RAB6A: variants seen among roughly 807,000 people sequenced by gnomAD.
RAB6A encodes the protein RAB6A, member RAS oncogene family.
RAB6A carries 8 observed loss-of-function variants against 32.3 expected under a neutral mutation model. The observed-to-expected ratio is 0.25, with a 90% CI of 0.15 to 0.45. RAB6A has a LOEUF of 0.45. RAB6A is among the 20% of genes least tolerant of loss of function. RAB6A has a pLI of 1.00. For synonymous variants in RAB6A, 73 were observed against 82.1 expected (o/e 0.89, Z 0.60); for missense variants, 104 against 249.4 (o/e 0.42, Z 3.93).
chr11:73,702,108 A>G (rs1235728089), intron 6 of RAB6A, among the ~76,000 whole-genome samples: 1 of 152,246 alleles, frequency 6.6e-6, no homozygotes, highest in Non-Finnish European at 1.5e-5. Flanking sequence ...ATAGGTTTCA[A>G]TATCCCCTTC....
intron 6 of RAB6A, among the ~76,000 whole-genome samples, chr11:73,680,248 T>C (rs931436802): frequency 6.6e-6 from 1 of 152,158 alleles, no homozygotes; most frequent in Non-Finnish European, 1.5e-5. Context: ...TAAACAGCTA[T>C]GAAATAAGCA....
At chr11:73,741,417 C>T (rs960054257) in intron 1 of RAB6A, among the ~76,000 whole-genome samples, 23 of 152,190 alleles carry the variant, frequency 1.5e-4, no homozygotes, top group African/African-American at 5.3e-4. Context: ...AGATTATAGG[C>T]GTGAGCCACC....
intron 6 of RAB6A, among the ~76,000 whole-genome samples, chr11:73,682,642 A>G (rs558552255): frequency 7.9e-5 from 12 of 152,116 alleles, no homozygotes; most frequent in African/African-American, 1.2e-4. Flanking sequence ...CACCCTGGGC[A>G]ACAGAGCGAG....
intron 1 of RAB6A, among the ~76,000 whole-genome samples, chr11:73,756,823 G>A (rs905719327): frequency 1.3e-5 from 2 of 150,420 alleles, no homozygotes; most frequent in African/African-American, 4.9e-5. Flanking sequence ...ACAGGCACAC[G>A]CCACCACGCC....
chr11:73,692,947 C>A (rs961571379), intron 6 of RAB6A, among the ~76,000 whole-genome samples: 3 of 149,846 alleles, frequency 2.0e-5, no homozygotes, highest in African/African-American at 7.3e-5. Flanking sequence ...GGCTACAGAG[C>A]GAGACTGTCT....
At chr11:73,681,091 T>C (rs1336548715) in intron 6 of RAB6A, among the ~76,000 whole-genome samples, 1 of 152,226 alleles carries the variant, frequency 6.6e-6, no homozygotes, top group East Asian at 1.9e-4. Flanking sequence ...AATGCATATG[T>C]GCTGTAACTC....
chr11:73,684,522 T>C (rs886819716), intron 6 of RAB6A, among the ~76,000 whole-genome samples: 1 of 152,232 alleles, frequency 6.6e-6, no homozygotes, highest in African/African-American at 2.4e-5. Flanking sequence ...TACAGTATAG[T>C]ATAAACATAA....
rs1394858962 is a variant in RAB6A, at chr11:73,760,745, C to T, written c.-110G>A. ...CGGAAGGGCGGGCACCGAGCTCTCT[C>T]GGCCCCTGCAAGGCCCGGTGGAGGA... On this transcript the variant is annotated 5_prime_UTR_variant, in exon 1 of 8. Transcript: ENST00000336083. 3 of 1,482,616 alleles carry T rather than the reference C, an allele frequency of 2.0e-6. No homozygotes were observed. The highest frequency in any genetic ancestry group is 2.7e-6 in the Non-Finnish European group (3 of 1,095,204). The allele number at this position is 1,482,616 out of a possible 1,614,324, so 91.8% of individuals were successfully genotyped here. A position where few individuals can be genotyped will look rare whatever the true frequency, so the allele number is the denominator to read the frequency against.
At chr11:73,747,060 G>C (rs931327818) in intron 1 of RAB6A, among the ~76,000 whole-genome samples, 1 of 150,784 alleles carries the variant, frequency 6.6e-6, no homozygotes, top group Non-Finnish European at 1.5e-5. Context: ...CCAAAGTGCT[G>C]GGATTACAGA....
chr11:73,753,851 A>G (rs1177462125), intron 1 of RAB6A, among the ~76,000 whole-genome samples: 1 of 152,190 alleles, frequency 6.6e-6, no homozygotes, highest in Non-Finnish European at 1.5e-5. Context: ...TCATCATGCT[A>G]TATTGTATTA....
intron 2 of RAB6A, among the ~76,000 whole-genome samples, chr11:73,726,213 A>C (rs1247095618): frequency 6.7e-6 from 1 of 149,534 alleles, no homozygotes; most frequent in Admixed American, 6.7e-5. Context: ...TGAACCCAGG[A>C]GGCAGAGGTT....
At chr11:73,732,647 C>T (rs913010829) in intron 1 of RAB6A, among the ~76,000 whole-genome samples, 1 of 152,078 alleles carries the variant, frequency 6.6e-6, no homozygotes, top group African/African-American at 2.4e-5. Context: ...GTAAACCCAG[C>T]TACTTGGGAG....
At chr11:73,682,311 A>T (rs1819692017) in intron 6 of RAB6A, among the ~76,000 whole-genome samples, 1 of 152,148 alleles carries the variant, frequency 6.6e-6, no homozygotes, top group Admixed American at 6.6e-5. Context: ...AACAAAAAAC[A>T]TTCTAAGAGT....
intron 1 of RAB6A, among the ~76,000 whole-genome samples, chr11:73,752,467 A>C (rs1264164426): frequency 1.3e-5 from 2 of 152,080 alleles, no homozygotes; most frequent in African/African-American, 4.8e-5. Flanking sequence ...AAAAAACAAA[A>C]ACACAGATGC....
intron 6 of RAB6A, among the ~76,000 whole-genome samples, chr11:73,690,806 A>G (rs574730377): frequency 6.6e-6 from 1 of 151,190 alleles, no homozygotes; most frequent in African/African-American, 2.4e-5. Flanking sequence ...GGGGACAGGG[A>G]AGCTAAGTGT....
chr11:73,712,833 T>C (rs1945984744), intron 5 of RAB6A, among the ~76,000 whole-genome samples: 1 of 151,770 alleles, frequency 6.6e-6, no homozygotes, highest in Admixed American at 6.6e-5. Flanking sequence ...TTCTCATGTC[T>C]CAGCCACCCA....
At chr11:73,700,058 T>A (rs545871651) in intron 6 of RAB6A, among the ~76,000 whole-genome samples, 33 of 152,336 alleles carry the variant, frequency 2.2e-4, no homozygotes, top group African/African-American at 7.9e-4. Flanking sequence ...CAAATCTTCT[T>A]TTTATGATAA....
At chr11:73,736,977 CAAAAAAAAAA>C (rs535172648) in intron 1 of RAB6A, among the ~76,000 whole-genome samples, 3,879 of 64,952 alleles carry the variant, frequency 0.06, 79 homozygotes, top group Non-Finnish European at 0.078. Context: ...GACACTGTCT[CAAAAAAAAAA>C]AAAAAAAAAA....
intron 1 of RAB6A, among the ~76,000 whole-genome samples, chr11:73,732,270 T>C (rs755500365): frequency 1.1e-4 from 17 of 152,056 alleles, no homozygotes; most frequent in Non-Finnish European, 2.1e-4. Context: ...ACTCCCAAAA[T>C]GTACTTTTTG....
Sources: gnomAD v4.1 joint callset for allele counts (sites outside exome capture counted in the v4.1 genomes callset) on GRCh38, gnomAD v4.1.1 for gene constraint, MANE v1.5 for transcripts, NCBI Gene and HGNC (gene_info 2026-07-23, HGNC 2026-07-21) for gene names.